Variants in ARHGAP29 observed in about 807,000 individuals in gnomAD.
ARHGAP29 encodes the protein rho GTPase-activating protein 29.
In ARHGAP29, 43 loss-of-function variants were observed where a neutral mutation model predicts 122.6. The observed-to-expected ratio is 0.35, with a 90% confidence interval of 0.27 to 0.45. ARHGAP29 has a LOEUF of 0.45. Among genes scored for constraint, ARHGAP29 ranks in the 20% least tolerant of loss-of-function variants. The pLI, the probability that ARHGAP29 is intolerant of heterozygous loss-of-function variation, is 1.00. For missense variants in ARHGAP29, 1,303 were observed against 1,477.2 expected (o/e 0.88, Z 1.93); for synonymous variants, 506 against 497.1 (o/e 1.02, Z -0.24).
intron 1 of ARHGAP29, among the ~76,000 whole-genome samples, chr1:94,269,266 G>C (rs1654900501): frequency 1.3e-5 from 2 of 152,260 alleles, no homozygotes; most frequent in South Asian, 4.1e-4. Context: ...CATTGTGCTA[G>C]GTTCTGCTTA....
At position 94,220,390 on chromosome 1, in the gene ARHGAP29, A is replaced by G. The variant is rs765432431; in HGVS notation, c.208T>C (p.Cys70Arg). 2 of 1,582,046 alleles carry G rather than the reference A, an allele frequency of 1.3e-6. No homozygotes were observed. Among genetic ancestry groups the G allele is most frequent in the South Asian group, 2.3e-5 (2 of 85,644 alleles). Residue 70 changes from cysteine (C) to arginine (R), a missense_variant and splice_region_variant, in exon 3 of 23, where the codon TGT becomes CGT. Cys to Arg is a radical substitution (Grantham distance 180, BLOSUM62 -3). This residue lies in a region of ARHGAP29 where 592 missense variants were observed against 648.2 expected (regional missense o/e 0.91). Coordinates refer to ENST00000260526, the MANE Select transcript of ARHGAP29 (RefSeq NM_004815.4). ...LYLKEAIFSD[C>R]FKEVIHIRLE... is the part of the protein sequence containing the mutation. ...CGTATATGAATAACTTCTTTAAAACAGTCTTTAAAAAGAAAAAAAAATAAT... is the reference window on the plus strand; with the variant it reads ...CGTATATGAATAACTTCTTTAAAACGGTCTTTAAAAAGAAAAAAAAATAAT...
chr1:94,234,522 A>G (rs547648507), intron 1 of ARHGAP29, among the ~76,000 whole-genome samples: 99 of 152,150 alleles, frequency 6.5e-4, no homozygotes, highest in Non-Finnish European at 1.2e-4. Flanking sequence ...TAATTTTTAA[A>G]GTTTGTTTAT....
At chr1:94,235,301 C>A (rs905078062) in intron 1 of ARHGAP29, among the ~76,000 whole-genome samples, 2 of 152,288 alleles carry the variant, frequency 1.3e-5, no homozygotes, top group East Asian at 3.9e-4. Context: ...TTTCCAAGAT[C>A]ATATACACTA....
At chr1:94,250,392 A>T (rs774174879) in intron 1 of ARHGAP29, 5 of 152,248 alleles carry the variant, frequency 3.3e-5, no homozygotes, top group Non-Finnish European at 7.3e-5. Context: ...CTCCTCAACC[A>T]TGATGAATAA....
At chr1:94,204,812 G>C (rs1404138908) in intron 7 of ARHGAP29, among the ~76,000 whole-genome samples, 2 of 152,104 alleles carry the variant, frequency 1.3e-5, no homozygotes, top group African/African-American at 2.4e-5. Context: ...TTACCCACTA[G>C]AGTATGACTT....
chr1:94,179,890 T>C lies in ARHGAP29; in HGVS notation c.2315A>G (p.His772Arg), dbSNP rs1649347683. The C allele has an allele frequency of 2.5e-6, 4 of 1,613,210 alleles. No homozygotes were observed. The highest frequency in any genetic ancestry group is 3.4e-6 in the Non-Finnish European group (4 of 1,179,656). The part of the protein sequence containing the change: ...EFIDLAKEIQ[H>R]VNEEQETKKN... The stretch of plus-strand genomic sequence containing the variant: ...TTTTGTCTCTTGTTCTTCATTTACA[T>C]GTTGGATCTCTTTTGCAAGGTCTAT... Residue 772 changes from histidine to arginine, a missense_variant, in exon 20 of 23, where the codon CAT (histidine) becomes CGT (arginine). By Grantham distance (29) the His-to-Arg change is conservative (BLOSUM62 0). Coordinates refer to ENST00000260526, the MANE Select transcript of ARHGAP29 (RefSeq NM_004815.4).
In ARHGAP29 at chr1:94,266,094, A is replaced by G. The variant is rs1373930198; in HGVS notation, c.-33+8918T>C. On this transcript the variant is annotated intron_variant and NMD_transcript_variant, in intron 1 of 25. Coordinates refer to the ARHGAP29 transcript ENST00000552844. Reference sequence around the variant, plus strand: ...CTTTCTGGTCAAGCTGCATTTGATTAAAGGAAACCGAAATCTACTTAGGGT... The same window carrying G: ...CTTTCTGGTCAAGCTGCATTTGATTGAAGGAAACCGAAATCTACTTAGGGT... 2.0e-5 allele frequency among the ~76,000 whole-genome samples: 3 copies of G among 152,334 alleles called. No homozygotes were observed. In the East Asian group the frequency reaches 5.8e-4, roughly 29 times the overall value.
rs182194871 is a variant in ARHGAP29 at position 94,224,885 on chromosome 1, T to C, written c.206-4493A>G. Among the ~76,000 whole-genome samples the C allele has an allele frequency of 2.6e-4, 39 of 152,190 alleles. No individual in the cohort carries two copies. In the East Asian group the frequency reaches 5.4e-3, roughly 21 times the overall value. On this transcript the variant is annotated intron_variant, in intron 2 of 22. Coordinates refer to ENST00000260526, the MANE Select transcript of ARHGAP29 (RefSeq NM_004815.4). ...GTCCCCAACTAACATACTAAAAAAA[T>C]AGCATCAGAATTATTTTCGTAAGAA...
chr1:94,215,383 G>A (rs1288276648), intron 3 of ARHGAP29, among the ~76,000 whole-genome samples: 2 of 150,058 alleles, frequency 1.3e-5, no homozygotes, highest in Admixed American at 6.6e-5. Context: ...AATCTTCATG[G>A]AAAAAATAAA....
At chr1:94,266,122 A>C (rs1378903966) in intron 1 of ARHGAP29, among the ~76,000 whole-genome samples, 1 of 152,220 alleles carries the variant, frequency 6.6e-6, no homozygotes, top group Non-Finnish European at 1.5e-5. Context: ...CTTAGGGTTC[A>C]GGCGATTAGA....
the ARHGAP29 span, among the ~76,000 whole-genome samples, chr1:94,296,469 A>G: frequency 6.6e-6 from 1 of 152,244 alleles, no homozygotes; most frequent in African/African-American, 2.4e-5. Context: ...GTTATAGGTA[A>G]GTACGCACAG....
At chr1:94,232,572 G>A (rs1652985008) in intron 1 of ARHGAP29, among the ~76,000 whole-genome samples, 1 of 152,110 alleles carries the variant, frequency 6.6e-6, no homozygotes, top group Admixed American at 6.6e-5. Flanking sequence ...TTTGAATCCT[G>A]GCTCTAGTAT....
At chr1:94,299,352 G>A in the ARHGAP29 span, among the ~76,000 whole-genome samples, 2 of 151,910 alleles carry the variant, frequency 1.3e-5, no homozygotes, top group Admixed American at 6.6e-5. Flanking sequence ...TAAACTCATC[G>A]CTGGCATTTG....
At chr1:94,264,080 A>G (rs183428032) in intron 1 of ARHGAP29, among the ~76,000 whole-genome samples, 87 of 152,304 alleles carry the variant, frequency 5.7e-4, no homozygotes, top group African/African-American at 1.6e-3. Context: ...GTATATTTTT[A>G]TAACTCTTCG....
At chr1:94,293,689 A>G in the ARHGAP29 span, among the ~76,000 whole-genome samples, 2 of 152,174 alleles carry the variant, frequency 1.3e-5, no homozygotes, top group Non-Finnish European at 2.9e-5. Flanking sequence ...ACAGATGAAT[A>G]CAGATACAGA....
chr1:94,302,268 C>A, the ARHGAP29 span: 2 of 242,524 alleles, frequency 8.2e-6, no homozygotes, highest in South Asian at 5.1e-5. Flanking sequence ...GAGATCCCAC[C>A]AAAATCACAC....
chr1:94,208,441 T>C (rs1651358553), intron 5 of ARHGAP29, among the ~76,000 whole-genome samples: 1 of 152,126 alleles, frequency 6.6e-6, no homozygotes, highest in South Asian at 2.1e-4. Context: ...ATTCCTTATA[T>C]TCTGTTATTT....
At chr1:94,244,804 G>C (rs1177627889) in intron 1 of ARHGAP29, among the ~76,000 whole-genome samples, 1 of 152,062 alleles carries the variant, frequency 6.6e-6, no homozygotes, top group Admixed American at 6.5e-5. Flanking sequence ...CTCTTTGAGA[G>C]ACAGTGTTGA....
At chr1:94,312,355 GTTTTTTTT>G in the ARHGAP29 span, among the ~76,000 whole-genome samples, 1 of 88,808 alleles carries the variant, frequency 1.1e-5, no homozygotes, top group East Asian at 3.8e-4. Context: ...ATTTTTATTT[GTTTTTTTT>G]TTTTTTTTTT....
Sources: allele counts gnomAD v4.1 joint callset (sites outside exome capture counted in the v4.1 genomes callset), GRCh38; gene constraint gnomAD v4.1.1; regional missense constraint gnomAD v4.1.1; transcripts MANE v1.5; gene names NCBI Gene and HGNC (gene_info 2026-07-23, HGNC 2026-07-21).